Variants in NIBAN1 observed in about 807,000 individuals in gnomAD.
NIBAN1 encodes niban apoptosis regulator 1.
Under a neutral mutation model 75.1 loss-of-function variants are expected in NIBAN1, and 81 were observed. The ratio of observed to expected loss-of-function variants is 1.08; its 90% confidence interval spans 0.90 to 1.30. NIBAN1 has a LOEUF of 1.30. Among genes scored for constraint, NIBAN1 ranks in the 50% most tolerant of loss-of-function variants. The pLI is 0.00. For synonymous variants in NIBAN1, 436 were observed against 424.8 expected, an observed-to-expected ratio of 1.03 and a Z score of -0.32; for missense variants, 1,133 against 1,128.1, an observed-to-expected ratio of 1.00 and a Z score of -0.06.
At position 184,863,869 on chromosome 1, in the gene NIBAN1, A is replaced by G. The variant is rs188455232; in HGVS notation, c.601+20764T>C. 8.5e-5 allele frequency among the ~76,000 whole-genome samples: 13 copies of G among 152,300 alleles called. 1 individual carries two copies. The East Asian group carries it at 2.3e-3, about 27-fold the overall frequency. Reference sequence around the variant, plus strand: ...ACTTTAAATATACTTCTTAATTTCCATGAACCTCAGTGTCATCTGAAAAAT... The same window carrying G: ...ACTTTAAATATACTTCTTAATTTCCGTGAACCTCAGTGTCATCTGAAAAAT... On this transcript the variant is annotated intron_variant, in intron 5 of 13. Coordinates refer to ENST00000367511, the MANE Select transcript of NIBAN1 (RefSeq NM_052966.4).
intron 1 of NIBAN1, among the ~76,000 whole-genome samples, chr1:184,930,999 T>TTTTTC (rs1185017195): frequency 0.016 from 654 of 40,402 alleles, 11 homozygotes; most frequent in African/African-American, 0.044. Context: ...TTCTTCTTCT[T>TTTTTC]TTTTTTTTTT....
At chr1:184,880,419 A>G (rs1656347827) in intron 5 of NIBAN1, among the ~76,000 whole-genome samples, 1 of 152,144 alleles carries the variant, frequency 6.6e-6, no homozygotes, top group Non-Finnish European at 1.5e-5. Context: ...ATGGCTTCCT[A>G]TTGCTGTTAT....
In NIBAN1 at chr1:184,840,044, T is replaced by C. The variant is rs1455931304; in HGVS notation, c.602-8082A>G. ...TGAACAGACTGAGGGCCACATAGGGTGTGATATGGCATTACTAAAAATAAA... is the reference window on the plus strand; with the variant it reads ...TGAACAGACTGAGGGCCACATAGGGCGTGATATGGCATTACTAAAAATAAA... On this transcript the variant is annotated intron_variant, in intron 5 of 13. Coordinates refer to ENST00000367511, the MANE Select transcript of NIBAN1 (RefSeq NM_052966.4). 2.0e-5 allele frequency among the ~76,000 whole-genome samples: 3 copies of C among 152,172 alleles called. No homozygotes were observed. The East Asian group carries it at 5.8e-4, about 29-fold the overall frequency.
chr1:184,853,355 T>C (rs1346123225), intron 5 of NIBAN1, among the ~76,000 whole-genome samples: 2 of 152,242 alleles, frequency 1.3e-5, no homozygotes, highest in Non-Finnish European at 2.9e-5. Context: ...ATCAAGACTA[T>C]ACAATGGAAT....
chr1:184,932,460 A>G (rs1657849380), intron 1 of NIBAN1, among the ~76,000 whole-genome samples: 1 of 152,154 alleles, frequency 6.6e-6, no homozygotes, highest in South Asian at 2.1e-4. Context: ...TCGTGCTCCT[A>G]TAAGAATCTA....
intron 1 of NIBAN1, among the ~76,000 whole-genome samples, chr1:184,904,694 C>T (rs993004087): frequency 2.0e-5 from 3 of 152,060 alleles, no homozygotes; most frequent in Non-Finnish European, 2.9e-5. Flanking sequence ...GTAGCTCACA[C>T]AATCCCAGCA....
At chr1:184,873,042 A>G (rs188666828) in intron 5 of NIBAN1, among the ~76,000 whole-genome samples, 409 of 152,356 alleles carry the variant, frequency 2.7e-3, no homozygotes, top group African/African-American at 9.4e-3. Flanking sequence ...CCTCAACTTC[A>G]GTAATGGAAG....
intron 5 of NIBAN1, among the ~76,000 whole-genome samples, chr1:184,859,180 G>A (rs993286614): frequency 1.3e-4 from 19 of 151,728 alleles, no homozygotes; most frequent in Non-Finnish European, 2.6e-4. Flanking sequence ...GTATATATAT[G>A]TGCGGTTTTA....
intron 1 of NIBAN1, among the ~76,000 whole-genome samples, chr1:184,971,377 T>TA (rs1557936385): frequency 1.3e-5 from 2 of 150,798 alleles, no homozygotes; most frequent in South Asian, 2.1e-4. Flanking sequence ...TCTTCCTCAT[T>TA]AAAAAAAAGA....
At chr1:184,881,022 A>T (rs1054007213) in intron 5 of NIBAN1, among the ~76,000 whole-genome samples, 3 of 151,972 alleles carry the variant, frequency 2.0e-5, no homozygotes, top group African/African-American at 7.3e-5. Context: ...ATCTTGTGGG[A>T]TTTTCTTATG....
intron 1 of NIBAN1, among the ~76,000 whole-genome samples, chr1:184,935,256 G>C (rs1461678402): frequency 6.6e-6 from 1 of 152,154 alleles, no homozygotes; most frequent in African/African-American, 2.4e-5. Context: ...GGTTCACCCA[G>C]CACTTTGGGA....
Position 184,974,349 on chromosome 1 carries a change from C to T in NIBAN1, c.8G>A (p.Gly3Asp). The T allele has an allele frequency of 6.4e-7, 1 of 1,559,090 alleles. No individual in the cohort carries two copies. Among genetic ancestry groups the T allele is most frequent in the Middle Eastern group, 1.7e-4 (1 of 6,016 alleles). Residue 3 changes from glycine to aspartate, a missense_variant, in exon 1 of 14, where the codon GGC (glycine) becomes GAC (aspartate). Coordinates refer to ENST00000367511, the MANE Select transcript of NIBAN1 (RefSeq NM_052966.4). ...CTCGTCCAGCTGGCTGGAGGCTGAG[C>T]CGCCCATGACCGCGAGCTGCCTGTG... MG[G>D]SASSQLDEGK...
At chr1:184,937,033 T>C (rs1006368366) in intron 1 of NIBAN1, among the ~76,000 whole-genome samples, 9 of 152,166 alleles carry the variant, frequency 5.9e-5, no homozygotes, top group Non-Finnish European at 1.3e-4. Flanking sequence ...TTCTTCCTTA[T>C]ACGGGCGCAT....
At chr1:184,958,140 G>A (rs572012883) in intron 1 of NIBAN1, among the ~76,000 whole-genome samples, 1 of 152,288 alleles carries the variant, frequency 6.6e-6, no homozygotes, top group Admixed American at 6.5e-5. Context: ...GCCAAGGCAG[G>A]TGGATCACTT....
At chr1:184,923,486 G>A (rs906990677) in intron 1 of NIBAN1, among the ~76,000 whole-genome samples, 10 of 152,160 alleles carry the variant, frequency 6.6e-5, no homozygotes, top group Admixed American at 2.6e-4. Flanking sequence ...ACAATTTGAA[G>A]TCAGGTAATG....
rs193225590 is a variant in NIBAN1 at position 184,805,121 on chromosome 1, C to T, written c.1446+825G>A. Among the ~76,000 whole-genome samples the T allele has an allele frequency of 1.4e-4, 22 of 152,288 alleles. No homozygotes were observed. The East Asian group carries it at 3.7e-3, about 25-fold the overall frequency. On this transcript the variant is annotated intron_variant, in intron 11 of 13. Transcript: ENST00000367511. ...GTTTTTAATATCAATGATTTAGTTGCTAGAGTTTCCTCTTGCCTGTGAGGC... is the reference window on the plus strand; with the variant it reads ...GTTTTTAATATCAATGATTTAGTTGTTAGAGTTTCCTCTTGCCTGTGAGGC...
chr1:184,915,963 G>A (rs1482123582), intron 1 of NIBAN1, among the ~76,000 whole-genome samples: 1 of 152,116 alleles, frequency 6.6e-6, no homozygotes, highest in African/African-American at 2.4e-5. Flanking sequence ...TTATATAACT[G>A]CCACAGAGAA....
At chr1:184,811,121 G>A (rs976008081) in intron 9 of NIBAN1, among the ~76,000 whole-genome samples, 12 of 152,204 alleles carry the variant, frequency 7.9e-5, no homozygotes, top group Non-Finnish European at 1.5e-4. Context: ...ATTTGATCCA[G>A]GAATTAACTG....
In NIBAN1 at chr1:184,808,087, T is replaced by G; in HGVS notation, c.1322A>C (p.Asn441Thr). 2 of 1,613,970 alleles carry G rather than the reference T, an allele frequency of 1.2e-6. No homozygotes were observed. Among genetic ancestry groups the G allele is most frequent in the South Asian group, 1.1e-5 (1 of 91,074 alleles). ...HIDLVVQRTQ[N>T]YMQELMENAV... The stretch of plus-strand genomic sequence containing the variant: ...TGCCACACCCACCTCCTGCATGTAG[T>G]TCTGTGTCCTCTGAACCACCAGATC... The change falls in exon 10 of 14, where the codon AAC becomes ACC. Residue 441 changes from asparagine to threonine, a missense_variant. Transcript: ENST00000367511.
Sources: gnomAD v4.1 joint callset for allele counts (sites outside exome capture counted in the v4.1 genomes callset) on GRCh38, gnomAD v4.1.1 for gene constraint, MANE v1.5 for transcripts, NCBI Gene and HGNC (gene_info 2026-07-23, HGNC 2026-07-21) for gene names.